Variants in SUDS3 observed in about 807,000 individuals in gnomAD.
SUDS3 encodes SIN3A corepressor complex component SDS3.
Under a neutral mutation model 53.5 loss-of-function variants are expected in SUDS3, and 23 were observed. The ratio of observed to expected loss-of-function variants is 0.43; its 90% CI spans 0.31 to 0.61. The LOEUF (loss-of-function observed/expected upper bound fraction) is 0.61, where lower values mean the gene tolerates loss of function less well. Ranked by LOEUF, SUDS3 falls within the 20% of genes least tolerant of loss-of-function variation. The pLI is 0.10. For missense variants in SUDS3, 291 were observed against 405.9 expected, an observed-to-expected ratio of 0.72 and a Z score of 2.43; for synonymous variants, 150 against 148.5, an observed-to-expected ratio of 1.01 and a Z score of -0.08.
intron 6 of SUDS3, among the ~76,000 whole-genome samples, chr12:118,394,238 G>A (rs767449902): frequency 6.6e-6 from 1 of 152,204 alleles, no homozygotes; most frequent in Admixed American, 6.5e-5. Flanking sequence ...TAGATGTGAC[G>A]TGAGATGAGA....
rs974400891 is a variant in SUDS3 at position 118,416,313 on chromosome 12, A to G, written c.*1880A>G. 3.0e-4 allele frequency: 45 copies of G among 152,106 alleles called. 1 individual carries two copies. Among genetic ancestry groups the G allele is most frequent in the Non-Finnish European group, 1.0e-4 (7 of 68,018 alleles). The allele number at this position is 152,106 out of a possible 1,614,324, so 9.4% of individuals were successfully genotyped here. ...AAACAGTATACCAAAGTTTGTTTTTATAGTTGAGGATTGTATTGATAACCA... is the reference window on the plus strand; with the variant it reads ...AAACAGTATACCAAAGTTTGTTTTTGTAGTTGAGGATTGTATTGATAACCA... On this transcript the variant is annotated 3_prime_UTR_variant, in exon 12 of 12. Transcript: ENST00000543473.
At chr12:118,377,310 C>T (rs2094000160) in intron 1 of SUDS3, among the ~76,000 whole-genome samples, 2 of 152,012 alleles carry the variant, frequency 1.3e-5, no homozygotes, top group Non-Finnish European at 2.9e-5. Flanking sequence ...TAGAACCAGC[C>T]AGATACAGGT....
At chr12:118,399,622 GTGGAGGTAGCCAGTGAAAGGA>G (rs1451127624) in intron 6 of SUDS3, among the ~76,000 whole-genome samples, 2 of 152,154 alleles carry the variant, frequency 1.3e-5, no homozygotes, top group Admixed American at 1.3e-4. Context: ...ACTGAAGGCC[GTGGAGGTAGCCAGTGAAAGGA>G]TGAAGGGATG....
chr12:118,386,257 G>A, intron 4 of SUDS3, 72 bp downstream of exon 4: 1 of 1,189,690 alleles, frequency 8.4e-7, no homozygotes, highest in Non-Finnish European at 1.2e-6. Context: ...GTGTAATGCA[G>A]CCCTAAGAGC....
intron 4 of SUDS3, among the ~76,000 whole-genome samples, 164 bp from the exon 5 acceptor site, chr12:118,389,763 G>T (rs1332605265): frequency 6.6e-6 from 1 of 152,204 alleles, no homozygotes; most frequent in Admixed American, 6.5e-5. Context: ...TTGAGTACTT[G>T]TCATGTCCTT....
In SUDS3 at chr12:118,416,768, A is replaced by T. The variant is rs1270457966; in HGVS notation, c.*2335A>T. On this transcript the variant is annotated 3_prime_UTR_variant, in exon 12 of 12. Transcript: ENST00000543473. The stretch of plus-strand genomic sequence containing the variant: ...TTCTGTGGTGGGCAGAAGCCTTACT[A>T]AAGGGGAAGACAGACTTTGAAGTTT... The T allele has an allele frequency of 6.6e-6, 1 of 152,206 alleles. No individual in the cohort carries two copies. Among genetic ancestry groups the T allele is most frequent in the Admixed American group, 6.5e-5 (1 of 15,282 alleles). The allele number at this position is 152,206 out of a possible 1,614,324, so 9.4% of individuals were successfully genotyped here.
intron 6 of SUDS3, among the ~76,000 whole-genome samples, chr12:118,400,219 T>C (rs1473976893): frequency 2.0e-5 from 3 of 152,238 alleles, no homozygotes; most frequent in Non-Finnish European, 2.9e-5. Flanking sequence ...GCCAGTGGCC[T>C]CTAAAAGAGC....
chr12:118,403,716 C>T (rs1369665927), intron 10 of SUDS3, among the ~76,000 whole-genome samples, 199 bp downstream of exon 10: 1 of 152,198 alleles, frequency 6.6e-6, no homozygotes, highest in East Asian at 1.9e-4. Flanking sequence ...TTTCCCAAAA[C>T]CATGTTCTGC....
chr12:118,411,888 C>T (rs1566212219), intron 11 of SUDS3, among the ~76,000 whole-genome samples: 1 of 152,200 alleles, frequency 6.6e-6, no homozygotes, highest in African/African-American at 2.4e-5. Context: ...TTCTCTAGAA[C>T]TTTCACACAT....
At chr12:118,408,120 C>T (rs1182612324) in intron 10 of SUDS3, among the ~76,000 whole-genome samples, 2 of 152,124 alleles carry the variant, frequency 1.3e-5, no homozygotes, top group African/African-American at 2.4e-5. Flanking sequence ...AGGATGGCCT[C>T]TATCTCCTGA....
At chr12:118,403,284 A>G in intron 9 of SUDS3, 128 bp from the exon 10 acceptor site, 2 of 746,122 alleles carry the variant, frequency 2.7e-6, no homozygotes, top group African/African-American at 1.7e-5. Context: ...AATCCCATGC[A>G]TTATCACTGT....
chr12:118,380,296 C>A (rs2046044966), intron 2 of SUDS3, 65 bp downstream of exon 2: 2 of 1,381,924 alleles, frequency 1.4e-6, no homozygotes, highest in Non-Finnish European at 2.0e-6. Context: ...ATAGATTGAG[C>A]ATCCCAAATC....
intron 10 of SUDS3, among the ~76,000 whole-genome samples, chr12:118,407,241 T>C (rs1203761795): frequency 6.6e-6 from 1 of 152,180 alleles, no homozygotes; most frequent in Non-Finnish European, 1.5e-5. Flanking sequence ...AATAATTTAA[T>C]AGATTTGGTA....
intron 1 of SUDS3, 60 bp downstream of exon 1, chr12:118,376,893 TGGGGCTGTTCGGGAGAGGGGC>T (rs2046002219): frequency 1.6e-4 from 49 of 305,266 alleles, no homozygotes; most frequent in Non-Finnish European, 2.2e-4. Flanking sequence ...GGGGAGGGGG[TGGGGCTGTTCGGGAGAGGGGC>T]GGGGCGGCCT....
chr12:118,414,939 G>A lies in SUDS3; in HGVS notation c.*506G>A, dbSNP rs2046387444. On this transcript the variant is annotated 3_prime_UTR_variant, in exon 12 of 12. Transcript: ENST00000543473. ...GCTTGGGGCAGAGGTCCTAGCAGGAGATGATGAATTCTCGTGGCTCTCGGC... is the reference window on the plus strand; with the variant it reads ...GCTTGGGGCAGAGGTCCTAGCAGGAAATGATGAATTCTCGTGGCTCTCGGC... 6.6e-6 allele frequency: 1 copy of A among 152,336 alleles called. No homozygotes were observed. 9.4% of individuals were successfully genotyped at this position (152,336 alleles called of 1,614,324 possible). A position where few individuals can be genotyped will look rare whatever the true frequency, so the allele number is the denominator to read the frequency against.
chr12:118,382,044 C>CTT (rs200415564), intron 2 of SUDS3, among the ~76,000 whole-genome samples: 32 of 145,762 alleles, frequency 2.2e-4, no homozygotes, highest in Middle Eastern at 3.5e-3. Context: ...AGATGGATTA[C>CTT]TTTTTTTTTT....
chr12:118,389,515 T>A (rs944213356), intron 4 of SUDS3, among the ~76,000 whole-genome samples: 3 of 150,690 alleles, frequency 2.0e-5, no homozygotes, highest in Admixed American at 6.6e-5. Flanking sequence ...GGGCCACATT[T>A]TTTTTTTTTT....
At chr12:118,395,935 T>G (rs1283393766) in intron 6 of SUDS3, among the ~76,000 whole-genome samples, 12 of 151,720 alleles carry the variant, frequency 7.9e-5, no homozygotes, top group African/African-American at 2.9e-4. Flanking sequence ...TCAGGTGATC[T>G]GCCCAAAGTG....
chr12:118,401,559 G>A (rs2046262750), intron 7 of SUDS3, among the ~76,000 whole-genome samples, 200 bp from the exon 8 acceptor site: 1 of 152,064 alleles, frequency 6.6e-6, no homozygotes, highest in African/African-American at 2.4e-5. Flanking sequence ...CTAGCAGTGG[G>A]GGATGTGAAT....
Sources: allele counts gnomAD v4.1 joint callset (sites outside exome capture counted in the v4.1 genomes callset), GRCh38; gene constraint gnomAD v4.1.1; transcripts MANE v1.5; gene names NCBI Gene and HGNC (gene_info 2026-07-23, HGNC 2026-07-21).